Variants in CCM2L observed in about 807,000 individuals in gnomAD.
CCM2L encodes the protein CCM2 like scaffold protein, also known as cerebral cavernous malformations 2 protein-like.
CCM2L carries 36 observed loss-of-function variants against 54.1 expected under a neutral mutation model. That is an observed-to-expected ratio of 0.67 (90% CI 0.51 to 0.88). CCM2L has a LOEUF of 0.88. Ranked by LOEUF, CCM2L falls within the 40% of genes least tolerant of loss-of-function variation. The pLI, the probability that CCM2L is intolerant of heterozygous loss-of-function variation, is 0.00. For missense variants in CCM2L, 700 were observed against 812.1 expected (o/e 0.86, Z 1.68); for synonymous variants, 351 against 359.3 (o/e 0.98, Z 0.26).
At chr20:32,025,370 G>A (rs995458420) in intron 6 of CCM2L, among the ~76,000 whole-genome samples, 1 of 151,700 alleles carries the variant, frequency 6.6e-6, no homozygotes, top group African/African-American at 2.4e-5. Context: ...CCAGGCCCAA[G>A]CAGTCCTTCT....
At position 32,014,923 on chromosome 20, in the gene CCM2L, G is replaced by A. The variant is rs868769334; in HGVS notation, c.50G>A (p.Arg17Gln). 1.1e-5 allele frequency: 17 copies of A among 1,598,914 alleles called. No individual in the cohort carries two copies. The highest frequency in any genetic ancestry group is 4.7e-5 in the East Asian group (2 of 42,288). Residue 17 changes from arginine to glutamine, a missense_variant, in exon 2 of 10, where the codon CGA (arginine) becomes CAA (glutamine). Arg to Gln is a conservative substitution (Grantham distance 43, BLOSUM62 1). Coordinates refer to ENST00000452892, the MANE Select transcript of CCM2L (RefSeq NM_001365692.1). ...KGKKGFVSPI[R>Q]RLVFPKAGRR... The stretch of plus-strand genomic sequence containing the variant: ...CCCCAGGGCTTTGTATCCCCCATCC[G>A]AAGGCTGGTGTTCCCCAAGGCCGGG...
At chr20:32,020,401 T>C (rs975710203) in intron 5 of CCM2L, among the ~76,000 whole-genome samples, 1 of 152,196 alleles carries the variant, frequency 6.6e-6, no homozygotes, top group Non-Finnish European at 1.5e-5. Context: ...TCTTCAGAAG[T>C]TGGAGTGCCC....
At chr20:32,015,743 A>G (rs1347790417) in intron 2 of CCM2L, among the ~76,000 whole-genome samples, 1 of 152,010 alleles carries the variant, frequency 6.6e-6, no homozygotes, top group Non-Finnish European at 1.5e-5. Flanking sequence ...CTCCATTCTG[A>G]TTGACAACTT....
rs1306782725 is a variant in CCM2L at position 32,017,821 on chromosome 20, G to C, written c.220G>C (p.Val74Leu). The C allele has an allele frequency of 6.2e-7, 1 of 1,614,082 alleles. No individual in the cohort carries two copies. Reference sequence around the variant, plus strand: ...CCAGTTCCTGGGCCACCTTACCTGGGTGACTTCCTCACTGAACCCCTCCAG... The same window carrying C: ...CCAGTTCCTGGGCCACCTTACCTGGCTGACTTCCTCACTGAACCCCTCCAG... ...EVKFLGHLTW[V>L]TSSLNPSSRD... is the part of the protein sequence containing the mutation. The change falls in exon 3 of 10, where the codon GTG becomes CTG. Residue 74 changes from valine to leucine, a missense_variant. Physicochemically the swap from Val to Leu is conservative, Grantham distance 32 (BLOSUM62 1). Coordinates refer to ENST00000452892, the MANE Select transcript of CCM2L (RefSeq NM_001365692.1).
rs747769124 is a variant in CCM2L, at chr20:32,015,075, C to T, written c.198+4C>T. On this transcript the variant is annotated splice_donor_region_variant and intron_variant, in intron 2 of 9. Coordinates refer to ENST00000452892, the MANE Select transcript of CCM2L (RefSeq NM_001365692.1). ...CTACCTGGAGAAAGAGGTCAAGGTG[C>T]GTGCAGGATGAGAAGGGGTGGGAAA... is the stretch of plus-strand genomic sequence containing the variant. The T allele has an allele frequency of 7.4e-6, 11 of 1,494,754 alleles. No homozygotes were observed. The Middle Eastern group carries it at 5.3e-4, about 73-fold the overall frequency. The allele number at this position is 1,494,754 out of a possible 1,614,324, so 92.6% of individuals were successfully genotyped here. A position where few individuals can be genotyped will look rare whatever the true frequency, so the allele number is the denominator to read the frequency against.
Position 32,019,417 on chromosome 20 carries a change from CG to C in CCM2L, c.933+9del. On this transcript the variant is annotated intron_variant, in intron 5 of 9. Coordinates refer to ENST00000452892, the MANE Select transcript of CCM2L (RefSeq NM_001365692.1). ...CTGGCTGTAGCCAACAGGGTGAGCC[CG>C]AGGGCAGCCTGCTCCCAAAGCCCGG... The C allele has an allele frequency of 6.6e-7, 1 of 1,508,498 alleles. No individual in the cohort carries two copies. The allele number at this position is 1,508,498 out of a possible 1,614,324, so 93.4% of individuals were successfully genotyped here.
At chr20:32,016,631 G>C (rs1035690767) in intron 2 of CCM2L, among the ~76,000 whole-genome samples, 2 of 151,926 alleles carry the variant, frequency 1.3e-5, no homozygotes, top group Admixed American at 1.3e-4. Context: ...ACTCCAGCCC[G>C]GGCGACAGTG....
intron 5 of CCM2L, among the ~76,000 whole-genome samples, chr20:32,022,361 T>C (rs76627106): frequency 0.016 from 2,415 of 152,268 alleles, 33 homozygotes; most frequent in Admixed American, 0.029. Flanking sequence ...TCCATATCTA[T>C]ACATTAAACT....
At position 32,031,992 on chromosome 20, in the gene CCM2L, C is replaced by A. The variant is rs760710810; in HGVS notation, c.*678C>A. 6.6e-6 allele frequency: 1 copy of A among 152,104 alleles called. No individual in the cohort carries two copies. Among genetic ancestry groups the A allele is most frequent in the African/African-American group, 2.4e-5 (1 of 41,420 alleles). The allele number at this position is 152,104 out of a possible 1,614,324, so 9.4% of individuals were successfully genotyped here. A position where few individuals can be genotyped will look rare whatever the true frequency, so the allele number is the denominator to read the frequency against. On this transcript the variant is annotated 3_prime_UTR_variant, in exon 10 of 10. Transcript: ENST00000452892. The stretch of plus-strand genomic sequence containing the variant: ...ACCCCAAACAAGGGTTTTTTCAGCT[C>A]CAGGATCTGGAGCCTCTATCTGGTT...
chr20:32,029,481 T>C (rs575981727), intron 8 of CCM2L, among the ~76,000 whole-genome samples: 1 of 152,274 alleles, frequency 6.6e-6, no homozygotes, highest in South Asian at 2.1e-4. Context: ...ACAGAGCTGA[T>C]CCAGTGAAGG....
In CCM2L at chr20:32,031,034, G is replaced by A. The variant is rs45565933; in HGVS notation, c.1436G>A (p.Gly479Asp). The A allele has an allele frequency of 2.9e-4, 376 of 1,304,256 alleles. 1 individual carries two copies. The highest frequency in any genetic ancestry group is 3.7e-4 in the Non-Finnish European group (364 of 988,942). 80.8% of individuals were successfully genotyped at this position (1,304,256 alleles called of 1,614,324 possible). A position where few individuals can be genotyped will look rare whatever the true frequency, so the allele number is the denominator to read the frequency against. ...CCCTTCATCCCGGACCAGGACATCG[G>A]CTACTTCGAGGGCTTCCTGGAGGGC... is the stretch of plus-strand genomic sequence containing the variant. Reference protein sequence around the residue: ...MRPFIPDQDIGYFEGFLEGVG... With the variant: ...MRPFIPDQDIDYFEGFLEGVG... The change falls in exon 10 of 10, where the codon GGC becomes GAC. Residue 479 changes from glycine to aspartate, a missense_variant. Physicochemically the swap from Gly to Asp is moderately conservative, Grantham distance 94. Coordinates refer to ENST00000452892, the MANE Select transcript of CCM2L (RefSeq NM_001365692.1).
intron 5 of CCM2L, among the ~76,000 whole-genome samples, chr20:32,021,995 A>T (rs1383526368): frequency 1.3e-5 from 2 of 152,166 alleles, no homozygotes; most frequent in African/African-American, 4.8e-5. Context: ...TACAGACACA[A>T]CATAGAGAAA....
Position 32,025,910 on chromosome 20 carries a change from G to A in CCM2L, c.1124G>A (p.Cys375Tyr), listed in dbSNP as rs754017991. The change falls in exon 7 of 10, where the codon TGC (cysteine) becomes TAC (tyrosine). Residue 375 changes from cysteine to tyrosine, a missense_variant. Cys to Tyr is a radical substitution (Grantham distance 194). Coordinates refer to ENST00000452892, the MANE Select transcript of CCM2L (RefSeq NM_001365692.1). The stretch of plus-strand genomic sequence containing the variant: ...GCCTATGATGCCGACTTCAGCTGCT[G>A]CAGCTCCTTGTGAGTACAGCCCCTG... ...TYAYDADFSC[C>Y]SSFNGSQDTF... 6.1e-6 allele frequency: 8 copies of A among 1,304,088 alleles called. No individual in the cohort carries two copies. In the Admixed American group the frequency reaches 6.9e-5, roughly 11 times the overall value. The allele number at this position is 1,304,088 out of a possible 1,614,324, so 80.8% of individuals were successfully genotyped here.
Position 32,031,402 on chromosome 20 carries a change from C to A in CCM2L, c.*88C>A. 8.9e-7 allele frequency: 1 copy of A among 1,120,644 alleles called. No individual in the cohort carries two copies. The allele number at this position is 1,120,644 out of a possible 1,614,324, so 69.4% of individuals were successfully genotyped here. A position where few individuals can be genotyped will look rare whatever the true frequency, so the allele number is the denominator to read the frequency against. Reference sequence around the variant, plus strand: ...GACCCTATCCCCAGGGCCCCCCCATCACACCTGGCGGGGCCGGGGGGTCTT... The same window carrying A: ...GACCCTATCCCCAGGGCCCCCCCATAACACCTGGCGGGGCCGGGGGGTCTT... On this transcript the variant is annotated 3_prime_UTR_variant, in exon 10 of 10. Transcript: ENST00000452892.
chr20:32,013,086 C>T (rs2064707531), intron 1 of CCM2L, among the ~76,000 whole-genome samples: 1 of 152,138 alleles, frequency 6.6e-6, no homozygotes, highest in Non-Finnish European at 1.5e-5. Context: ...ATCATTTGAG[C>T]TCAGGAGTTC....
rs533410260 is a variant in CCM2L at position 32,023,857 on chromosome 20, A to T, written c.1069+1062A>T. On this transcript the variant is annotated intron_variant, in intron 6 of 9. Transcript: ENST00000452892. ...GTGATTCTCCTGCTTCAGCCTCCTG[A>T]GTAGCTGGGACTACAGGCATGCGCC... Among the ~76,000 whole-genome samples, 4 of 152,272 alleles carry T rather than the reference A, an allele frequency of 2.6e-5. No homozygotes were observed. In the South Asian group the frequency reaches 8.3e-4, roughly 32 times the overall value.
chr20:32,029,628 T>C, intron 8 of CCM2L, 72 bp from the exon 9 acceptor site: 1 of 1,531,086 alleles, frequency 6.5e-7, no homozygotes, highest in South Asian at 1.3e-5. Context: ...TAGGGAAGGC[T>C]CTGGGCCTTT....
At chr20:32,013,726 A>G (rs1166289614) in intron 1 of CCM2L, among the ~76,000 whole-genome samples, 1 of 152,064 alleles carries the variant, frequency 6.6e-6, no homozygotes, top group African/African-American at 2.4e-5. Context: ...CTAGGATTAC[A>G]GGCGTAAACC....
At chr20:32,012,416 T>TGTG (rs930766426) in intron 1 of CCM2L, among the ~76,000 whole-genome samples, 3 of 151,928 alleles carry the variant, frequency 2.0e-5, no homozygotes, top group Non-Finnish European at 4.4e-5. Context: ...ATTAGCTAGG[T>TGTG]GTGGTGGTGG....
Sources: gnomAD v4.1 joint callset for allele counts (sites outside exome capture counted in the v4.1 genomes callset) on GRCh38, gnomAD v4.1.1 for gene constraint, MANE v1.5 for transcripts, NCBI Gene and HGNC (gene_info 2026-07-23, HGNC 2026-07-21) for gene names.